SEMA4D: variants seen among roughly 807,000 people sequenced by gnomAD.
The protein encoded by SEMA4D is semaphorin 4D, also known as semaphorin-4D.
Under a neutral mutation model 74.8 loss-of-function variants are expected in SEMA4D, and 22 were observed. The ratio of observed to expected loss-of-function variants is 0.29; its 90% CI spans 0.21 to 0.42. The LOEUF is 0.42. Ranked by LOEUF, SEMA4D falls within the 10% of genes least tolerant of loss-of-function variation. The pLI is 1.00. For synonymous variants in SEMA4D, 445 were observed against 463.7 expected (o/e 0.96, Z 0.52); for missense variants, 937 against 1,118.4 (o/e 0.84, Z 2.31).
At chr9:89,461,061 CTCTTT>C (rs1471989866) in intron 1 of SEMA4D, among the ~76,000 whole-genome samples, 1 of 152,156 alleles carries the variant, frequency 6.6e-6, no homozygotes, top group Non-Finnish European at 1.5e-5. Flanking sequence ...GCCCCAAGGT[CTCTTT>C]TCTAAGATCA....
chr9:89,413,039 G>A (rs1844875592), intron 2 of SEMA4D, among the ~76,000 whole-genome samples: 1 of 152,180 alleles, frequency 6.6e-6, no homozygotes, highest in African/African-American at 2.4e-5. Flanking sequence ...CATTTTGCTG[G>A]CTTTCTTCGC....
At chr9:89,382,613 T>C (rs570171577) in intron 13 of SEMA4D, among the ~76,000 whole-genome samples, 1 of 152,314 alleles carries the variant, frequency 6.6e-6, no homozygotes, top group African/African-American at 2.4e-5. Context: ...CCTGGGCAGA[T>C]GAGGCCATGT....
intron 2 of SEMA4D, among the ~76,000 whole-genome samples, chr9:89,435,755 C>T (rs2134859366): frequency 6.6e-6 from 1 of 152,368 alleles, no homozygotes; most frequent in Non-Finnish European, 1.5e-5. Flanking sequence ...TGCTCCTGGA[C>T]AACCTGGTCT....
chr9:89,376,760 G>T, downstream of SEMA4D: 1 of 1,493,382 alleles, frequency 6.7e-7, no homozygotes, highest in Non-Finnish European at 9.0e-7. Flanking sequence ...TGTGGAGGAT[G>T]CCCCCGCCCG....
Position 89,381,249 on chromosome 9 carries a change from G to T in SEMA4D, c.1544C>A (p.Ala515Glu). Residue 515 changes from alanine to glutamate, a missense_variant, in exon 14 of 16, where the codon GCG (alanine) becomes GAG (glutamate). Coordinates refer to ENST00000422704, the MANE Select transcript of SEMA4D (RefSeq NM_001371194.2). This position sits in a 1 kb window ranked among gnomAD's most constrained non-coding sequence, Gnocchi z 4.6. ...KHGTCEDCVLARDPYCAWSPP... is the reference protein window; with the variant it reads ...KHGTCEDCVLERDPYCAWSPP... ...GCTCCAGGCGCAGTAGGGGTCCCGC[G>T]CCAGCACACAGTCCTCGCAGGTGCC... The T allele has an allele frequency of 6.2e-7, 1 of 1,604,210 alleles. No homozygotes were observed. The highest frequency in any genetic ancestry group is 8.5e-7 in the Non-Finnish European group (1 of 1,172,936).
chr9:89,450,688 G>C (rs1374964096), intron 2 of SEMA4D: 1 of 609,574 alleles, frequency 1.6e-6, no homozygotes. Context: ...AAAAAAAAAA[G>C]GCCTCCAAGA....
intron 2 of SEMA4D, 113 bp from the exon 3 acceptor site, chr9:89,405,812 G>C: frequency 3.8e-6 from 5 of 1,300,200 alleles, no homozygotes; most frequent in Non-Finnish European, 4.9e-6. Context: ...CATCTGCTGA[G>C]GAATACGGAA....
chr9:89,416,426 G>A (rs1845718729), intron 2 of SEMA4D, among the ~76,000 whole-genome samples: 1 of 150,772 alleles, frequency 6.6e-6, no homozygotes, highest in Admixed American at 6.7e-5. Flanking sequence ...AACTGCCTGT[G>A]AGCCCATCAC....
chr9:89,372,627 C>T (rs1835269653), downstream of SEMA4D, among the ~76,000 whole-genome samples: 1 of 151,992 alleles, frequency 6.6e-6, no homozygotes, highest in Non-Finnish European at 1.5e-5. Context: ...CGGCCACTCC[C>T]AGCTGCTCCA....
chr9:89,384,987 T>A, intron 13 of SEMA4D: 1 of 985,286 alleles, frequency 1.0e-6, no homozygotes, highest in Non-Finnish European at 1.2e-6. Flanking sequence ...GAATGGAGGC[T>A]CCTACAGAGA....
intron 1 of SEMA4D, among the ~76,000 whole-genome samples, chr9:89,458,883 CAT>C (rs763225201): frequency 6.6e-6 from 1 of 152,032 alleles, no homozygotes; most frequent in Admixed American, 6.6e-5. Flanking sequence ...CATGCACAAA[CAT>C]ATGTACCTAT....
chr9:89,370,861 G>A (rs1834506720), intron 16 of SEMA4D, among the ~76,000 whole-genome samples: 1 of 145,080 alleles, frequency 6.9e-6, no homozygotes, highest in Admixed American at 6.8e-5. Flanking sequence ...TGTGTGTGTG[G>A]GATGTGGCGT....
chr9:89,391,343 T>C lies in SEMA4D; in HGVS notation c.695A>G (p.Tyr232Cys), dbSNP rs1342148008. The change falls in exon 9 of 16, where the codon TAC (tyrosine) becomes TGC (cysteine). Residue 232 changes from tyrosine (Y) to cysteine (C), a missense_variant. Tyr to Cys is a radical substitution (Grantham distance 194). Coordinates refer to ENST00000422704, the MANE Select transcript of SEMA4D (RefSeq NM_001371194.2). ...DSPDGEDDRV[Y>C]FFFTEVSVEY... is the part of the protein sequence containing the mutation. ...CACAGACACCTCCGTGAAGAAGAAG[T>C]AGACCCTGTCATCCTCGCCGTCGGG... 3 of 1,614,228 alleles carry C rather than the reference T, an allele frequency of 1.9e-6. No homozygotes were observed. The highest frequency in any genetic ancestry group is 1.7e-6 in the Non-Finnish European group (2 of 1,180,024).
At chr9:89,454,114 T>TA (rs1855342461) in intron 2 of SEMA4D, among the ~76,000 whole-genome samples, 2 of 152,176 alleles carry the variant, frequency 1.3e-5, no homozygotes, top group African/African-American at 4.8e-5. Flanking sequence ...GTATGTCCTT[T>TA]GCAAATGGTC....
rs62551180 is a variant in SEMA4D, at chr9:89,489,947, C to T, written c.-310+7972G>A. Among the ~76,000 whole-genome samples the T allele has an allele frequency of 9.4e-3, 1,432 of 152,230 alleles. 9 individuals are homozygous for T. The highest frequency in any genetic ancestry group is 0.014 in the Non-Finnish European group (979 of 68,028). Reference sequence around the variant, plus strand: ...CAAACTTTTTTCCAAAACAGCTACACCATTTTACATTTCTATCCGGAGTGT... The same window carrying T: ...CAAACTTTTTTCCAAAACAGCTACATCATTTTACATTTCTATCCGGAGTGT... On this transcript the variant is annotated intron_variant, in intron 1 of 15. Coordinates refer to ENST00000422704, the MANE Select transcript of SEMA4D (RefSeq NM_001371194.2).
At position 89,433,083 on chromosome 9, in the gene SEMA4D, T is replaced by C. The variant is rs140298052; in HGVS notation, c.-244+22805A>G. 2.5e-3 allele frequency among the ~76,000 whole-genome samples: 377 copies of C among 152,358 alleles called. 1 individual carries two copies. Among genetic ancestry groups the C allele is most frequent in the Non-Finnish European group, 3.9e-3 (262 of 68,042 alleles). On this transcript the variant is annotated intron_variant, in intron 2 of 15. Transcript: ENST00000422704. ...GTTGGGAACGTGGCAGAACTGGCTC[T>C]AGGACTTGCCAAGTGCTGCTGGTGC...
At chr9:89,438,003 A>G (rs1850829911) in intron 2 of SEMA4D, among the ~76,000 whole-genome samples, 1 of 152,190 alleles carries the variant, frequency 6.6e-6, no homozygotes, top group Non-Finnish European at 1.5e-5. Context: ...AATAACCTAC[A>G]GGGGTAGGGA....
chr9:89,464,037 C>T (rs540098617), intron 1 of SEMA4D, among the ~76,000 whole-genome samples: 4 of 152,140 alleles, frequency 2.6e-5, no homozygotes, highest in South Asian at 2.1e-4. Flanking sequence ...ACCTTAGACA[C>T]GTGCTTTTGG....
At position 89,443,964 on chromosome 9, in the gene SEMA4D, C is replaced by T. The variant is rs377648488; in HGVS notation, c.-244+11924G>A. Among the ~76,000 whole-genome samples the T allele has an allele frequency of 3.7e-4, 57 of 152,284 alleles. No individual in the cohort carries two copies. The East Asian group carries it at 7.9e-3, about 21-fold the overall frequency. On this transcript the variant is annotated intron_variant, in intron 2 of 15. Coordinates refer to ENST00000422704, the MANE Select transcript of SEMA4D (RefSeq NM_001371194.2). ...CACAGGCACCTAAGCTGCAGTGACA[C>T]GGTCACCCCACTGCATGCCCATGCA...
Sources: allele counts gnomAD v4.1 joint callset (sites outside exome capture counted in the v4.1 genomes callset), GRCh38; gene constraint gnomAD v4.1.1; non-coding constraint Gnocchi (gnomAD v3.1); transcripts MANE v1.5; gene names NCBI Gene and HGNC (gene_info 2026-07-23, HGNC 2026-07-21).